The following ACADSB variants were observed in gnomAD, a reference collection of about 807,000 sequenced individuals.
The protein encoded by ACADSB is acyl-CoA dehydrogenase short/branched chain.
Under a neutral mutation model 54.1 loss-of-function variants are expected in ACADSB, and 40 were observed. The observed-to-expected ratio is 0.74, with a 90% CI of 0.57 to 0.96. The LOEUF (loss-of-function observed/expected upper bound fraction) is 0.96. Among genes scored for constraint, ACADSB ranks in the 40% least tolerant of loss-of-function variants. The pLI is 0.00. For missense variants in ACADSB, 530 were observed against 510.4 expected (o/e 1.04, Z -0.37); for synonymous variants, 182 against 182.8 (o/e 1.00, Z 0.03).
intron 2 of ACADSB, 86 bp from the exon 3 acceptor site, chr10:123,037,661 T>G: frequency 2.2e-6 from 2 of 901,834 alleles, no homozygotes; most frequent in Admixed American, 3.6e-5. Context: ...ATATTTTAAC[T>G]TAGTTAAAAT....
In ACADSB at chr10:123,041,201, A is replaced by G. The variant is rs768749043; in HGVS notation, c.511-8A>G. On this transcript the variant is annotated splice_polypyrimidine_tract_variant and splice_region_variant and intron_variant, in intron 4 of 10. Transcript: ENST00000358776. Reference sequence around the variant, plus strand: ...ATTAATTTGGACATTTTTTTCTCCCATATGTAGGTAGGAAGTTTCTGCCTT... The same window carrying G: ...ATTAATTTGGACATTTTTTTCTCCCGTATGTAGGTAGGAAGTTTCTGCCTT... The G allele has an allele frequency of 1.4e-5, 22 of 1,613,882 alleles. No individual in the cohort carries two copies. The highest frequency in any genetic ancestry group is 1.6e-5 in the Non-Finnish European group (19 of 1,179,934).
intron 10 of ACADSB, 27 bp downstream of exon 10, chr10:123,053,187 T>C: frequency 6.5e-7 from 1 of 1,535,458 alleles, no homozygotes; most frequent in Non-Finnish European, 9.0e-7. Flanking sequence ...TTTTTACATT[T>C]TATTTTGTTT....
In ACADSB at chr10:123,057,847, A is replaced by G. The variant is rs957287805; in HGVS notation, c.*4082A>G. On this transcript the variant is annotated 3_prime_UTR_variant, in exon 11 of 11. Coordinates refer to ENST00000358776, the MANE Select transcript of ACADSB (RefSeq NM_001609.4). ...AAGAATCCAAATGTACTTGGGGACA[A>G]GAATTAGTCCCCAAATTCAGTGTTC... is the stretch of plus-strand genomic sequence containing the variant. 1.3e-5 allele frequency: 2 copies of G among 152,266 alleles called. No individual in the cohort carries two copies. The highest frequency in any genetic ancestry group is 2.9e-5 in the Non-Finnish European group (2 of 68,048). The allele number at this position is 152,266 out of a possible 1,614,324, so 9.4% of individuals were successfully genotyped here.
chr10:123,033,048 C>G (rs1850349701), intron 1 of ACADSB, among the ~76,000 whole-genome samples: 1 of 152,164 alleles, frequency 6.6e-6, no homozygotes, highest in Non-Finnish European at 1.5e-5. Flanking sequence ...TTTAATTCTT[C>G]CTGTCCATCT....
Position 123,045,153 on chromosome 10 carries a change from A to T in ACADSB, c.900+668A>T, listed in dbSNP as rs1326070033. ...AGTGTATATATATATATATATATATATATATATATATATATATATTTTTTT... is the reference window on the plus strand; with the variant it reads ...AGTGTATATATATATATATATATATTTATATATATATATATATATTTTTTT... On this transcript the variant is annotated intron_variant, in intron 7 of 10. Transcript: ENST00000358776. Among the ~76,000 whole-genome samples, 14 of 10,212 alleles carry T rather than the reference A, an allele frequency of 1.4e-3. 1 individual carries two copies. Among genetic ancestry groups the T allele is most frequent in the African/African-American group, 2.3e-3 (6 of 2,594 alleles). 6.7% of individuals were successfully genotyped at this position (10,212 alleles called of 152,430 possible).
chr10:123,053,771 A>G lies in ACADSB; in HGVS notation c.*6A>G, dbSNP rs530087761. 32 of 1,612,606 alleles carry G rather than the reference A, an allele frequency of 2.0e-5. No individual in the cohort carries two copies. The highest frequency in any genetic ancestry group is 2.7e-5 in the African/African-American group (2 of 74,912). On this transcript the variant is annotated 3_prime_UTR_variant, in exon 11 of 11. Transcript: ENST00000358776. Reference sequence around the variant, plus strand: ...ATATCGATGCAGAATACTGACGTCTATAGGAGTGGGACCCCTCCCTGGTGT... The same window carrying G: ...ATATCGATGCAGAATACTGACGTCTGTAGGAGTGGGACCCCTCCCTGGTGT...
intron 5 of ACADSB, 115 bp downstream of exon 5, chr10:123,041,494 C>T (rs997796476): frequency 1.1e-5 from 12 of 1,082,700 alleles, no homozygotes; most frequent in Middle Eastern, 2.7e-4. Context: ...TTAGTCTTCT[C>T]AGTACTGAAA....
rs562481150 is a variant in ACADSB at position 123,018,907 on chromosome 10, G to C, written c.42+9836G>C. Among the ~76,000 whole-genome samples the C allele has an allele frequency of 4.6e-5, 7 of 152,288 alleles. No individual in the cohort carries two copies. In the South Asian group the frequency reaches 1.5e-3, roughly 32 times the overall value. On this transcript the variant is annotated intron_variant, in intron 1 of 10. Transcript: ENST00000358776. ...CACTGGGTCCCTCCCATGACACATG[G>C]GGATTATGGGAGCTACAATTCAAGA... is the stretch of plus-strand genomic sequence containing the variant.
intron 8 of ACADSB, among the ~76,000 whole-genome samples, chr10:123,049,234 G>A (rs565902232): frequency 1.1e-4 from 17 of 152,294 alleles, no homozygotes; most frequent in Non-Finnish European, 2.1e-4. Flanking sequence ...GCATGCATTC[G>A]TTCATATCTT....
chr10:123,019,860 A>T lies in ACADSB; in HGVS notation c.42+10789A>T, dbSNP rs563924368. Among the ~76,000 whole-genome samples the T allele has an allele frequency of 2.6e-5, 4 of 151,930 alleles. No individual in the cohort carries two copies. The South Asian group carries it at 8.3e-4, about 32-fold the overall frequency. On this transcript the variant is annotated intron_variant, in intron 1 of 10. Transcript: ENST00000358776. ...CTCTTATAACCACTCGCTACCCCTA[A>T]CCTCCTGTCCTGGTCTCTAATCCTC...
At position 123,035,246 on chromosome 10, in the gene ACADSB, A is replaced by G. The variant is rs137973014; in HGVS notation, c.202+731A>G. 3.2e-3 allele frequency among the ~76,000 whole-genome samples: 480 copies of G among 152,128 alleles called. 3 individuals are homozygous for G. The highest frequency in any genetic ancestry group is 5.9e-3 in the African/African-American group (246 of 41,512). On this transcript the variant is annotated intron_variant, in intron 2 of 10. Transcript: ENST00000358776. ...GCTGGGATTACAGGCGTGAGCCACC[A>G]TGCCCAGCCTAGATAGTGGGTTTTC... is the stretch of plus-strand genomic sequence containing the variant.
Position 123,037,744 on chromosome 10 carries a change from C to T in ACADSB, c.203-3C>T, listed in dbSNP as rs1188523746. 1.9e-6 allele frequency: 3 copies of T among 1,593,136 alleles called. No individual in the cohort carries two copies. Among genetic ancestry groups the T allele is most frequent in the South Asian group, 1.1e-5 (1 of 90,564 alleles). On this transcript the variant is annotated splice_region_variant and splice_polypyrimidine_tract_variant and intron_variant, in intron 2 of 10. Coordinates refer to ENST00000358776, the MANE Select transcript of ACADSB (RefSeq NM_001609.4). ...GACTTATCAGTAATTCTTTTTCCTACAGTTAAAAAATTTGCTCAGGAACAA... is the reference window on the plus strand; with the variant it reads ...GACTTATCAGTAATTCTTTTTCCTATAGTTAAAAAATTTGCTCAGGAACAA...
intron 1 of ACADSB, among the ~76,000 whole-genome samples, chr10:123,022,260 G>C (rs1386779115): frequency 6.6e-6 from 1 of 152,194 alleles, no homozygotes; most frequent in Non-Finnish European, 1.5e-5. Context: ...AGTTCATGGA[G>C]GGGAAGAGAA....
At chr10:123,042,197 G>A (rs551978357) in intron 5 of ACADSB, among the ~76,000 whole-genome samples, 3 of 151,436 alleles carry the variant, frequency 2.0e-5, no homozygotes, top group East Asian at 2.0e-4. Context: ...AACTCCTGAC[G>A]TCGGATGATC....
intron 1 of ACADSB, among the ~76,000 whole-genome samples, chr10:123,026,805 G>A (rs1199910019): frequency 6.6e-6 from 1 of 151,850 alleles, no homozygotes; most frequent in Non-Finnish European, 1.5e-5. Flanking sequence ...ATAAGAACGT[G>A]TATTCCTATT....
chr10:123,042,457 C>CTTTTTTT (rs60480402), intron 5 of ACADSB, among the ~76,000 whole-genome samples: 4 of 115,792 alleles, frequency 3.5e-5, no homozygotes, highest in South Asian at 2.7e-4. Flanking sequence ...ATTGTTAAAA[C>CTTTTTTT]TTTTTTTTTT....
At position 123,044,373 on chromosome 10, in the gene ACADSB, G is replaced by C; in HGVS notation, c.808-20G>C. On this transcript the variant is annotated intron_variant, in intron 6 of 10. Coordinates refer to ENST00000358776, the MANE Select transcript of ACADSB (RefSeq NM_001609.4). ...CATGGAAAATGAAACTGAGAAATAA[G>C]TGCACATTTGTATTTTCAGGTTCCA... The C allele has an allele frequency of 1.3e-6, 2 of 1,558,186 alleles. No homozygotes were observed.
At chr10:123,031,209 A>G (rs796098746) in intron 1 of ACADSB, among the ~76,000 whole-genome samples, 2 of 152,326 alleles carry the variant, frequency 1.3e-5, no homozygotes, top group East Asian at 3.9e-4. Flanking sequence ...TAATAGAAGG[A>G]AATGCTGTAT....
chr10:123,034,620 C>G, intron 2 of ACADSB, 105 bp downstream of exon 2: 1 of 1,218,604 alleles, frequency 8.2e-7, no homozygotes, highest in South Asian at 1.2e-5. Flanking sequence ...CTCAAGCTAT[C>G]CTGCTTCAGC....
Sources: allele counts gnomAD v4.1 joint callset (sites outside exome capture counted in the v4.1 genomes callset), GRCh38; gene constraint gnomAD v4.1.1; transcripts MANE v1.5; gene names NCBI Gene and HGNC (gene_info 2026-07-23, HGNC 2026-07-21).